The following SOX6 variants were observed in gnomAD, a reference collection of about 807,000 sequenced individuals.
SOX6 encodes SRY-box transcription factor 6.
Under a neutral mutation model 97.8 loss-of-function variants are expected in SOX6, and 11 were observed. The observed-to-expected ratio is 0.11, with a 90% CI of 0.07 to 0.19. The LOEUF is 0.19. SOX6 is among the 10% of genes least tolerant of loss of function. The pLI, the probability that SOX6 is intolerant of heterozygous loss-of-function variation, is 1.00. For missense variants in SOX6, 810 were observed against 1,039.5 expected (o/e 0.78, Z 3.04); for synonymous variants, 360 against 371.4 (o/e 0.97, Z 0.35).
chr11:15,987,122 A>G (rs1465322260), intron 14 of SOX6, among the ~76,000 whole-genome samples: 1 of 152,236 alleles, frequency 6.6e-6, no homozygotes. Flanking sequence ...TATTGTTTAT[A>G]AAGAATTATC....
At chr11:16,664,577 T>C (rs961900105) in intron 3 of SOX6, among the ~76,000 whole-genome samples, 3 of 152,332 alleles carry the variant, frequency 2.0e-5, no homozygotes, top group African/African-American at 7.2e-5. Flanking sequence ...TGCAGGCTAA[T>C]GTCCTCTAGG....
chr11:16,056,865 G>C (rs1328817757), intron 9 of SOX6, among the ~76,000 whole-genome samples: 1 of 152,002 alleles, frequency 6.6e-6, no homozygotes, highest in Non-Finnish European at 1.5e-5. Flanking sequence ...AAAGACAGGT[G>C]GGCTAACCTC....
chr11:16,222,499 C>A (rs1852572528), intron 4 of SOX6, among the ~76,000 whole-genome samples: 1 of 152,106 alleles, frequency 6.6e-6, no homozygotes, highest in Admixed American at 6.6e-5. Flanking sequence ...CAGGTCTGAG[C>A]CACTGCAGTT....
At chr11:16,575,240 A>T (rs1847971509) in intron 4 of SOX6, among the ~76,000 whole-genome samples, 2 of 152,228 alleles carry the variant, frequency 1.3e-5, no homozygotes, top group South Asian at 4.1e-4. Flanking sequence ...TAAAAGTCTG[A>T]CAACATCAAT....
intron 3 of SOX6, among the ~76,000 whole-genome samples, chr11:16,278,732 A>T (rs906824940): frequency 2.0e-5 from 3 of 152,118 alleles, no homozygotes; most frequent in Non-Finnish European, 4.4e-5. Flanking sequence ...GAGAAAACCT[A>T]CAGGTCACTT....
At chr11:16,064,790 A>G (rs1455050112) in intron 9 of SOX6, among the ~76,000 whole-genome samples, 1 of 152,008 alleles carries the variant, frequency 6.6e-6, no homozygotes, top group Non-Finnish European at 1.5e-5. Flanking sequence ...ACTGATGCTG[A>G]AAAAGCATTG....
intron 2 of SOX6, among the ~76,000 whole-genome samples, chr11:16,322,156 A>T (rs1201070940): frequency 6.6e-6 from 1 of 152,146 alleles, no homozygotes; most frequent in African/African-American, 2.4e-5. Context: ...ATTGAGGCAA[A>T]ATATCTGATA....
chr11:16,134,371 T>C (rs1361218926), intron 6 of SOX6, among the ~76,000 whole-genome samples: 1 of 152,078 alleles, frequency 6.6e-6, no homozygotes, highest in Non-Finnish European at 1.5e-5. Context: ...AAAGGGGAAA[T>C]GAGAGGGAAG....
intron 4 of SOX6, among the ~76,000 whole-genome samples, chr11:16,560,198 C>T (rs948350112): frequency 3.3e-5 from 5 of 152,062 alleles, no homozygotes; most frequent in African/African-American, 9.7e-5. Flanking sequence ...ACTGTTAACC[C>T]CAGTTAAAAT....
intron 1 of SOX6, among the ~76,000 whole-genome samples, chr11:16,417,661 T>G (rs1858950644): frequency 6.6e-6 from 1 of 152,208 alleles, no homozygotes; most frequent in Non-Finnish European, 1.5e-5. Flanking sequence ...CTTCTAATTC[T>G]CATACCTGAA....
intron 15 of SOX6, among the ~76,000 whole-genome samples, chr11:15,976,226 C>T (rs1168809475): frequency 2.0e-5 from 3 of 152,116 alleles, no homozygotes; most frequent in Non-Finnish European, 4.4e-5. Flanking sequence ...CCTCTCCAAG[C>T]CTTCTGGGAA....
chr11:16,239,139 A>G (rs1470983745), intron 3 of SOX6, among the ~76,000 whole-genome samples: 1 of 152,096 alleles, frequency 6.6e-6, no homozygotes, highest in African/African-American at 2.4e-5. Flanking sequence ...TCCACAATAC[A>G]GTGGGATAAA....
chr11:16,619,309 C>T (rs1407066486), intron 3 of SOX6, among the ~76,000 whole-genome samples: 1 of 149,914 alleles, frequency 6.7e-6, no homozygotes, highest in Non-Finnish European at 1.5e-5. Flanking sequence ...TTGAACCAGG[C>T]ACCATGCTCT....
At chr11:16,406,253 G>A (rs906060902) in intron 1 of SOX6, among the ~76,000 whole-genome samples, 3 of 152,202 alleles carry the variant, frequency 2.0e-5, no homozygotes, top group Admixed American at 6.6e-5. Context: ...AGTGCCATCT[G>A]TCCTGTGGAC....
At chr11:16,674,878 G>A (rs929012223) in intron 3 of SOX6, among the ~76,000 whole-genome samples, 1 of 152,164 alleles carries the variant, frequency 6.6e-6, no homozygotes, top group Admixed American at 6.5e-5. Context: ...TTGAACCTAG[G>A]AGGCAGAGGA....
intron 3 of SOX6, among the ~76,000 whole-genome samples, chr11:16,291,490 G>T (rs1447625672): frequency 2.0e-5 from 3 of 151,802 alleles, no homozygotes; most frequent in South Asian, 2.1e-4. Context: ...TACGTTTTTT[G>T]TTGTTGTTGT....
At chr11:16,553,525 T>C (rs937975627) in intron 4 of SOX6, among the ~76,000 whole-genome samples, 4 of 151,856 alleles carry the variant, frequency 2.6e-5, no homozygotes, top group Non-Finnish European at 5.9e-5. Flanking sequence ...CTTATGCTAA[T>C]GAACAATGAG....
chr11:15,995,609 G>T (rs1192357367), intron 13 of SOX6, among the ~76,000 whole-genome samples: 1 of 152,102 alleles, frequency 6.6e-6, no homozygotes. Flanking sequence ...ACCTGAATTT[G>T]GTGAGAAACA....
rs75364509 is a variant in SOX6 at position 16,620,377 on chromosome 11, T to C, written n.430-8117A>G. ...TCACTGGTTTTTTCATATGAGTATA[T>C]GTTATCTATCTGGGCATGACGATAT... is the stretch of plus-strand genomic sequence containing the variant. On this transcript the variant is annotated intron_variant and non_coding_transcript_variant, in intron 3 of 5. Transcript: ENST00000524520. Among the ~76,000 whole-genome samples the C allele has an allele frequency of 3.7e-3, 556 of 152,328 alleles. 2 individuals carry two copies. Among genetic ancestry groups the C allele is most frequent in the South Asian group, 5.8e-3 (28 of 4,828 alleles).
Sources: gnomAD v4.1 joint callset for allele counts (sites outside exome capture counted in the v4.1 genomes callset) on GRCh38, gnomAD v4.1.1 for gene constraint, MANE v1.5 for transcripts, NCBI Gene and HGNC (gene_info 2026-07-23, HGNC 2026-07-21) for gene names.